HECW1: variants seen among roughly 807,000 people sequenced by gnomAD.
HECW1 encodes HECT, C2 and WW domain containing E3 ubiquitin protein ligase 1.
A neutral mutation model predicts 182.3 loss-of-function variants in HECW1; 61 were observed. That is an observed-to-expected ratio of 0.33 (90% CI 0.27 to 0.41). The LOEUF is 0.41. HECW1 is among the 10% of genes least tolerant of loss of function. HECW1 has a pLI of 1.00. For missense variants in HECW1, 1,739 were observed against 2,108.9 expected (o/e 0.82, Z 3.44); for synonymous variants, 859 against 832.6 (o/e 1.03, Z -0.55).
chr7:43,408,406 G>A (rs1409072725), intron 8 of HECW1, among the ~76,000 whole-genome samples: 4 of 151,918 alleles, frequency 2.6e-5, no homozygotes, highest in East Asian at 1.9e-4. Context: ...GTAGAAAGTC[G>A]GCACCACTTA....
intron 2 of HECW1, among the ~76,000 whole-genome samples, chr7:43,172,035 TG>T (rs1020444618): frequency 2.0e-5 from 3 of 151,046 alleles, no homozygotes; most frequent in African/African-American, 7.3e-5. Flanking sequence ...CCCAGCACTT[TG>T]GGAGGCTGAG....
Position 43,137,938 on chromosome 7 carries a change from C to CTT in HECW1, c.-32+23560_-32+23561dup, listed in dbSNP as rs57423975. Among the ~76,000 whole-genome samples the CTT allele has an allele frequency of 8.3e-5, 12 of 144,768 alleles. No individual in the cohort carries two copies. In the East Asian group the frequency reaches 1.8e-3, roughly 22 times the overall value. 95.0% of individuals were successfully genotyped at this position (144,768 alleles called of 152,430 possible). On this transcript the variant is annotated intron_variant, in intron 2 of 29. Coordinates refer to ENST00000395891, the MANE Select transcript of HECW1 (RefSeq NM_015052.5). ...AGATGTCATATTATTCTGACCAACA[C>CTT]TTTTTTTTTTTTTTAAGATTCCGGC...
intron 4 of HECW1, among the ~76,000 whole-genome samples, chr7:43,315,455 C>CATTATT (rs1236856008): frequency 5.9e-5 from 7 of 117,734 alleles, no homozygotes; most frequent in African/African-American, 2.9e-4. Context: ...TCTCCCGTCC[C>CATTATT]ATTATTATTG....
At chr7:43,307,743 T>C (rs1807768845) in intron 3 of HECW1, among the ~76,000 whole-genome samples, 1 of 151,708 alleles carries the variant, frequency 6.6e-6, no homozygotes, top group African/African-American at 2.4e-5. Context: ...TCTATCCACC[T>C]GCTGTGTTCA....
chr7:43,510,278 T>G (rs1044313630), intron 24 of HECW1: 2 of 152,156 alleles, frequency 1.3e-5, no homozygotes, highest in African/African-American at 4.8e-5. Flanking sequence ...CATACACAGA[T>G]TATACCTAAT....
chr7:43,525,828 C>T (rs2080734716), intron 24 of HECW1, among the ~76,000 whole-genome samples: 1 of 152,092 alleles, frequency 6.6e-6, no homozygotes, highest in Non-Finnish European at 1.5e-5. Flanking sequence ...AGCAGATCAG[C>T]CTTGGGACCT....
In HECW1 at chr7:43,479,703, C is replaced by T. The variant is rs1219048629; in HGVS notation, c.3193C>T (p.Arg1065Ter). The T allele has an allele frequency of 2.5e-6, 4 of 1,613,964 alleles. No individual in the cohort carries two copies. Among genetic ancestry groups the T allele is most frequent in the Non-Finnish European group, 3.4e-6 (4 of 1,179,992 alleles). ...TCGTCTTCCCAATCATCTAACTCAC[C>T]GACAGCACCTCCAGAGGCTCCGAAG... ...NGRLPNHLTH[R>*]QHLQRLRSYS... The change falls in exon 17 of 30, where the codon CGA becomes TGA. Residue 1065 changes from arginine (R) to a stop codon, truncating the protein, a stop_gained. Transcript: ENST00000395891. LOFTEE classifies it high-confidence loss of function.
intron 3 of HECW1, chr7:43,274,650 A>G: frequency 6.0e-6 from 2 of 333,354 alleles, no homozygotes; most frequent in South Asian, 5.2e-5. Context: ...GGAGGGAGAG[A>G]GAGAGAGAGA....
chr7:43,342,096 G>T (rs928737832), intron 5 of HECW1, among the ~76,000 whole-genome samples: 2 of 151,770 alleles, frequency 1.3e-5, no homozygotes, highest in Non-Finnish European at 2.9e-5. Context: ...TTTCATTCTG[G>T]TGTTGGTTAA....
At chr7:43,265,611 C>T (rs1453726069) in intron 3 of HECW1, among the ~76,000 whole-genome samples, 3 of 152,194 alleles carry the variant, frequency 2.0e-5, no homozygotes, top group African/African-American at 4.8e-5. Flanking sequence ...TGACACCAAA[C>T]ATCTGGTCTT....
At position 43,304,575 on chromosome 7, in the gene HECW1, C is replaced by T. The variant is rs372559294; in HGVS notation, c.28-7188C>T. On this transcript the variant is annotated intron_variant, in intron 3 of 29. Transcript: ENST00000395891. ...GCGCAATCTTAGCTCACTGCAGCCT[C>T]CACCTCCCTGGTTCAAGCGATTCTC... Among the ~76,000 whole-genome samples the T allele has an allele frequency of 2.2e-4, 33 of 152,178 alleles. No individual in the cohort carries two copies. The East Asian group carries it at 5.0e-3, about 23-fold the overall frequency.
intron 5 of HECW1, among the ~76,000 whole-genome samples, chr7:43,345,135 T>G (rs1052306924): frequency 5.9e-5 from 9 of 152,222 alleles, no homozygotes; most frequent in Non-Finnish European, 8.8e-5. Flanking sequence ...GTTGGCCAAG[T>G]ATACATATTT....
At chr7:43,344,655 C>T (rs1813443530) in intron 5 of HECW1, among the ~76,000 whole-genome samples, 1 of 152,100 alleles carries the variant, frequency 6.6e-6, no homozygotes, top group Admixed American at 6.6e-5. Flanking sequence ...ATATTTTAGA[C>T]TATCTGCTAG....
chr7:43,278,622 C>T (rs1406542737), intron 3 of HECW1, among the ~76,000 whole-genome samples: 1 of 151,934 alleles, frequency 6.6e-6, no homozygotes, highest in African/African-American at 2.4e-5. Context: ...CCTTCTTTCC[C>T]CTTCCCCTCC....
At chr7:43,245,690 A>C (rs1053295229) in intron 3 of HECW1, 4 of 152,254 alleles carry the variant, frequency 2.6e-5, no homozygotes, top group Non-Finnish European at 5.9e-5. Context: ...GTGAGTTCTC[A>C]CTGGGTAACA....
chr7:43,447,278 A>G (rs1006251205), intron 11 of HECW1, among the ~76,000 whole-genome samples: 3 of 152,098 alleles, frequency 2.0e-5, no homozygotes, highest in Non-Finnish European at 4.4e-5. Flanking sequence ...TAATCTACAC[A>G]TGGTCAATTG....
At chr7:43,191,432 G>A (rs1793909483) in intron 2 of HECW1, among the ~76,000 whole-genome samples, 1 of 152,232 alleles carries the variant, frequency 6.6e-6, no homozygotes, top group Non-Finnish European at 1.5e-5. Flanking sequence ...CCAGAATGGG[G>A]ACATGCGAGG....
Position 43,243,852 on chromosome 7 carries a change from A to T in HECW1, c.-31-23A>T. ...GTTTGCTTGGGATACACGCTAAGTTAACCTCGTTGGACTTTTCCCCAGGAA... is the reference window on the plus strand; with the variant it reads ...GTTTGCTTGGGATACACGCTAAGTTTACCTCGTTGGACTTTTCCCCAGGAA... On this transcript the variant is annotated intron_variant, in intron 2 of 29. Transcript: ENST00000395891. The surrounding 1 kb of genome is among the most constrained non-coding windows in gnomAD (Gnocchi z 4.0). The T allele has an allele frequency of 6.3e-7, 1 of 1,592,428 alleles. No individual in the cohort carries two copies. Among genetic ancestry groups the T allele is most frequent in the Non-Finnish European group, 8.6e-7 (1 of 1,160,316 alleles).
At chr7:43,445,677 T>G in intron 11 of HECW1, 107 bp downstream of exon 11, 78 of 1,368,284 alleles carry the variant, frequency 5.7e-5, no homozygotes, top group Non-Finnish European at 7.4e-5. Flanking sequence ...CAAACGGGGT[T>G]GCTGGGGCAA....
Sources: gnomAD v4.1 joint callset for allele counts (sites outside exome capture counted in the v4.1 genomes callset) on GRCh38, gnomAD v4.1.1 for gene constraint, Gnocchi (gnomAD v3.1) non-coding constraint, MANE v1.5 for transcripts, NCBI Gene and HGNC (gene_info 2026-07-23, HGNC 2026-07-21) for gene names.